PHTF2: variants seen among roughly 807,000 people sequenced by gnomAD.
PHTF2 encodes the protein protein PHTF2.
A neutral mutation model predicts 101.2 loss-of-function variants in PHTF2; 60 were observed. That is an observed-to-expected ratio of 0.59 (90% CI 0.48 to 0.73). The LOEUF is 0.73. Ranked by LOEUF, PHTF2 falls within the 30% of genes least tolerant of loss-of-function variation. PHTF2 has a pLI of 0.00. For synonymous variants in PHTF2, 311 were observed against 307.3 expected (o/e 1.01, Z -0.13); for missense variants, 747 against 908.7 (o/e 0.82, Z 2.29).
Position 77,831,848 on chromosome 7 carries a change from A to G in PHTF2, c.-35-8373A>G, listed in dbSNP as rs573400589. Reference sequence around the variant, plus strand: ...ACAAAATGTCACCGAAACTTAACCAACATTTTGCAGGATGTGATTAAAATT... The same window carrying G: ...ACAAAATGTCACCGAAACTTAACCAGCATTTTGCAGGATGTGATTAAAATT... On this transcript the variant is annotated intron_variant, in intron 1 of 19. Transcript: ENST00000416283. Among the ~76,000 whole-genome samples, 26 of 152,292 alleles carry G rather than the reference A, an allele frequency of 1.7e-4. No individual in the cohort carries two copies. In the South Asian group the frequency reaches 4.6e-3, roughly 27 times the overall value.
chr7:77,912,038 A>G (rs1439070847), intron 9 of PHTF2, among the ~76,000 whole-genome samples: 1 of 152,192 alleles, frequency 6.6e-6, no homozygotes, highest in Non-Finnish European at 1.5e-5. Flanking sequence ...GTTGTCTACA[A>G]CTGATATTAT....
At chr7:77,949,405 A>G (rs1806343698) in intron 16 of PHTF2, among the ~76,000 whole-genome samples, 1 of 152,182 alleles carries the variant, frequency 6.6e-6, no homozygotes, top group Admixed American at 6.5e-5. Flanking sequence ...GAGATGGCAA[A>G]GTTTAAAGTG....
In PHTF2 at chr7:77,846,105, G is replaced by A. The variant is rs534697227; in HGVS notation, c.45+5805G>A. Among the ~76,000 whole-genome samples the A allele has an allele frequency of 2.5e-3, 374 of 152,232 alleles. 1 individual carries two copies. The highest frequency in any genetic ancestry group is 0.017 in the Middle Eastern group (5 of 294). The stretch of plus-strand genomic sequence containing the variant: ...GAGAAGAAAGGATGTGTGGAGGACC[G>A]CCATATGGGGGTTTCCTACCCAAAA... On this transcript the variant is annotated intron_variant, in intron 2 of 19. Transcript: ENST00000416283.
At chr7:77,853,104 G>A (rs181938016) in intron 2 of PHTF2, among the ~76,000 whole-genome samples, 1 of 152,072 alleles carries the variant, frequency 6.6e-6, no homozygotes, top group African/African-American at 2.4e-5. Flanking sequence ...TCTTATACTT[G>A]AATATTGATA....
At chr7:77,845,227 T>G (rs1257776821) in intron 2 of PHTF2, among the ~76,000 whole-genome samples, 1 of 152,212 alleles carries the variant, frequency 6.6e-6, no homozygotes, top group Non-Finnish European at 1.5e-5. Context: ...ACCTGTAAGA[T>G]TCCACTGTGA....
intron 1 of PHTF2, among the ~76,000 whole-genome samples, chr7:77,817,862 C>A (rs1793972809): frequency 6.6e-6 from 1 of 152,118 alleles, no homozygotes; most frequent in African/African-American, 2.4e-5. Flanking sequence ...GTAATCCCAG[C>A]ACTTTGGGAG....
intron 1 of PHTF2, among the ~76,000 whole-genome samples, chr7:77,804,892 G>T (rs990190560): frequency 6.6e-6 from 1 of 152,078 alleles, no homozygotes; most frequent in Admixed American, 6.6e-5. Flanking sequence ...TCTTCCCACA[G>T]CTTCCTTCAG....
intron 3 of PHTF2, among the ~76,000 whole-genome samples, chr7:77,861,712 C>T (rs534098048): frequency 2.0e-5 from 3 of 151,796 alleles, no homozygotes; most frequent in Admixed American, 6.6e-5. Context: ...CACTTGAGGC[C>T]GGAAGTTTGA....
intron 3 of PHTF2, among the ~76,000 whole-genome samples, chr7:77,872,113 T>C (rs1226099365): frequency 6.6e-6 from 1 of 152,218 alleles, no homozygotes; most frequent in Non-Finnish European, 1.5e-5. Context: ...CACTCAGCAA[T>C]GGCTGCAGCC....
intron 3 of PHTF2, among the ~76,000 whole-genome samples, chr7:77,884,445 T>C (rs1799659030): frequency 6.6e-6 from 1 of 152,082 alleles, no homozygotes; most frequent in Non-Finnish European, 1.5e-5. Context: ...CTTTGTGTAC[T>C]ACCCATAGCT....
intron 1 of PHTF2, among the ~76,000 whole-genome samples, chr7:77,827,812 G>T (rs971238856): frequency 6.6e-6 from 1 of 151,790 alleles, no homozygotes; most frequent in Non-Finnish European, 1.5e-5. Context: ...GCTAATTTTT[G>T]TATTAGTTTT....
chr7:77,935,414 A>C (rs1805032545), intron 12 of PHTF2, among the ~76,000 whole-genome samples: 1 of 151,510 alleles, frequency 6.6e-6, no homozygotes, highest in Non-Finnish European at 1.5e-5. Context: ...TTTAGTAGAG[A>C]CGGGGTTTCA....
chr7:77,834,088 A>G (rs1795262007), intron 1 of PHTF2, among the ~76,000 whole-genome samples: 1 of 152,024 alleles, frequency 6.6e-6, no homozygotes, highest in African/African-American at 2.4e-5. Context: ...ATACCCTCTG[A>G]TTAGCAGCAG....
intron 1 of PHTF2, among the ~76,000 whole-genome samples, chr7:77,815,880 G>A (rs1203461572): frequency 1.3e-5 from 2 of 152,078 alleles, no homozygotes; most frequent in Non-Finnish European, 2.9e-5. Context: ...GGATCTGCTA[G>A]GTCAGTTACA....
At position 77,885,080 on chromosome 7, in the gene PHTF2, T is replaced by A. The variant is rs185391969; in HGVS notation, c.148-8528T>A. ...CAAGGGCTTGTGCATCTACTTTTTT[T>A]AAAATTTTTTTTTGTTTTAAAGAGG... On this transcript the variant is annotated intron_variant, in intron 3 of 19. Coordinates refer to ENST00000416283, the Ensembl canonical transcript of PHTF2. Among the ~76,000 whole-genome samples, 586 of 152,280 alleles carry A rather than the reference T, an allele frequency of 3.8e-3. 1 individual carries two copies. Among genetic ancestry groups the A allele is most frequent in the Non-Finnish European group, 5.2e-3 (353 of 68,006 alleles).
At position 77,858,309 on chromosome 7, in the gene PHTF2, G is replaced by A. The variant is rs867644284; in HGVS notation, c.147+3475G>A. Among the ~76,000 whole-genome samples, 7 of 152,092 alleles carry A rather than the reference G, an allele frequency of 4.6e-5. No individual in the cohort carries two copies. The South Asian group carries it at 1.0e-3, about 23-fold the overall frequency. On this transcript the variant is annotated intron_variant, in intron 3 of 19. Coordinates refer to ENST00000416283, the Ensembl canonical transcript of PHTF2. ...TGGGTATCTGTAGCCTAAATAATTT[G>A]GGTTTTAGTTTTATTTGTTTACAAG... is the stretch of plus-strand genomic sequence containing the variant.
intron 5 of PHTF2, among the ~76,000 whole-genome samples, chr7:77,899,354 A>T: frequency 6.8e-6 from 1 of 148,128 alleles, no homozygotes. Flanking sequence ...GGGTGACTCA[A>T]TTTTTTTTTT....
chr7:77,912,710 CTTTTTTTTTTTTTTTTTTTTTTT>C lies in PHTF2; in HGVS notation c.776+2318_776+2340del, dbSNP rs536966733. 6.3e-4 allele frequency among the ~76,000 whole-genome samples: 51 copies of C among 80,468 alleles called. 1 individual carries two copies. The highest frequency in any genetic ancestry group is 7.7e-4 in the Non-Finnish European group (32 of 41,786). 52.8% of individuals were successfully genotyped at this position (80,468 alleles called of 152,430 possible). A position where few individuals can be genotyped will look rare whatever the true frequency, so the allele number is the denominator to read the frequency against. ...TCTCACTGCACACTGAGAGAACCACCTTTTTTTTTTTTTTTTTTTTTTTTTTTTTTTTTTTTTTTGAGACAGGG... is the reference window on the plus strand; with the variant it reads ...TCTCACTGCACACTGAGAGAACCACCTTTTTTTTTTTTTTTTGAGACAGGG... On this transcript the variant is annotated intron_variant, in intron 9 of 19. Transcript: ENST00000416283.
intron 7 of PHTF2, among the ~76,000 whole-genome samples, chr7:77,903,462 GC>G (rs1157723612): frequency 6.6e-6 from 1 of 152,136 alleles, no homozygotes; most frequent in Non-Finnish European, 1.5e-5. Context: ...TTAAGATATT[GC>G]TGCTTTCTAG....
Sources: gnomAD v4.1 joint callset for allele counts (sites outside exome capture counted in the v4.1 genomes callset) on GRCh38, gnomAD v4.1.1 for gene constraint, MANE v1.5 for transcripts, NCBI Gene and HGNC (gene_info 2026-07-23, HGNC 2026-07-21) for gene names.